FHIT: variants seen among roughly 807,000 people sequenced by gnomAD.
FHIT encodes the protein fragile histidine triad diadenosine triphosphatase.
FHIT carries 19 observed loss-of-function variants against 17.9 expected under a neutral mutation model. That is an observed-to-expected ratio of 1.06 (90% CI 0.74 to 1.56). FHIT has a LOEUF of 1.56. Ranked by LOEUF, FHIT falls within the 40% of genes most tolerant of loss-of-function variation. FHIT has a pLI of 0.00. For synonymous variants in FHIT, 81 were observed against 69.7 expected, an observed-to-expected ratio of 1.16 and a Z score of -0.81; for missense variants, 248 against 189.2, an observed-to-expected ratio of 1.31 and a Z score of -1.82.
At chr3:59,885,294 TGA>T (rs1703572713) in intron 8 of FHIT, among the ~76,000 whole-genome samples, 1 of 151,904 alleles carries the variant, frequency 6.6e-6, no homozygotes, top group Non-Finnish European at 1.5e-5. Context: ...AAAATATTGC[TGA>T]AGAAACAGGA....
chr3:60,932,424 G>A (rs886405067), intron 3 of FHIT, among the ~76,000 whole-genome samples: 9 of 152,020 alleles, frequency 5.9e-5, no homozygotes, highest in Middle Eastern at 3.4e-3. Context: ...CTCATCTCCC[G>A]TGCCCTTTGG....
intron 3 of FHIT, among the ~76,000 whole-genome samples, chr3:60,992,545 A>G (rs2030327790): frequency 1.3e-5 from 2 of 152,192 alleles, no homozygotes; most frequent in South Asian, 4.1e-4. Flanking sequence ...TCTAAGTTAA[A>G]CAGCTCTGCA....
rs139265178 is a variant in FHIT, at chr3:60,585,032, T to C, written c.-17-48053A>G. On this transcript the variant is annotated intron_variant, in intron 4 of 9. Transcript: ENST00000492590. Reference sequence around the variant, plus strand: ...GCATCACTTCAGGCATCAACAAAACTATTTTAATACAATCCTTTCCCTCTA... The same window carrying C: ...GCATCACTTCAGGCATCAACAAAACCATTTTAATACAATCCTTTCCCTCTA... 4.5e-3 allele frequency among the ~76,000 whole-genome samples: 690 copies of C among 152,134 alleles called. 1 individual carries two copies. The highest frequency in any genetic ancestry group is 7.2e-3 in the Non-Finnish European group (486 of 67,958).
At chr3:61,057,413 G>C in intron 2 of FHIT, among the ~76,000 whole-genome samples, 1 of 152,102 alleles carries the variant, frequency 6.6e-6, no homozygotes, top group East Asian at 1.9e-4. Context: ...GTGAAAGCTG[G>C]TGGTGGAAAA....
chr3:60,144,186 G>A (rs1157924578), intron 5 of FHIT, among the ~76,000 whole-genome samples: 1 of 152,174 alleles, frequency 6.6e-6, no homozygotes, highest in East Asian at 1.9e-4. Context: ...GGCAGAAGTT[G>A]TTATGGGGAC....
chr3:60,441,710 A>ACATATATATTTGTATT, intron 5 of FHIT, among the ~76,000 whole-genome samples: 3 of 96,506 alleles, frequency 3.1e-5, no homozygotes, highest in Non-Finnish European at 4.2e-5. Context: ...ATTTATATAT[A>ACATATATATTTGTATT]TATATATATA....
chr3:60,069,472 CA>C (rs1417626187), intron 5 of FHIT, among the ~76,000 whole-genome samples: 4 of 152,142 alleles, frequency 2.6e-5, no homozygotes, highest in Non-Finnish European at 5.9e-5. Flanking sequence ...ACATACATTA[CA>C]TAAAACACTG....
At chr3:60,854,349 G>C (rs369880122) in intron 3 of FHIT, among the ~76,000 whole-genome samples, 1 of 152,024 alleles carries the variant, frequency 6.6e-6, no homozygotes, top group South Asian at 2.1e-4. Flanking sequence ...GCTTTGGAAG[G>C]TGTATCACTT....
rs192961884 is a variant in FHIT, at chr3:60,187,805, C to T, written c.104-173653G>A. Reference sequence around the variant, plus strand: ...TAATTTAATTCATTCATTTGCATCTCTCTCTTCTAAGTATGATATAATTCA... The same window carrying T: ...TAATTTAATTCATTCATTTGCATCTTTCTCTTCTAAGTATGATATAATTCA... On this transcript the variant is annotated intron_variant, in intron 5 of 9. Transcript: ENST00000492590. 2.6e-5 allele frequency among the ~76,000 whole-genome samples: 4 copies of T among 152,176 alleles called. No homozygotes were observed. In the East Asian group the frequency reaches 5.8e-4, roughly 22 times the overall value.
At chr3:61,128,512 G>A (rs1032784220) in intron 2 of FHIT, among the ~76,000 whole-genome samples, 2 of 151,968 alleles carry the variant, frequency 1.3e-5, no homozygotes, top group Admixed American at 6.6e-5. Flanking sequence ...GCTGAAATGC[G>A]CTTCCGTCAG....
chr3:60,795,133 T>C lies in FHIT; in HGVS notation c.-18+26786A>G, dbSNP rs548314062. Among the ~76,000 whole-genome samples the C allele has an allele frequency of 3.1e-4, 47 of 152,360 alleles. No homozygotes were observed. The East Asian group carries it at 8.7e-3, about 28-fold the overall frequency. ...TGCTTTTTTTTCACTTCATGTGTTT[T>C]GTAGATTGTTCCATAACTATACACA... On this transcript the variant is annotated intron_variant, in intron 4 of 9. Transcript: ENST00000492590.
chr3:60,754,602 G>A (rs2042536347), intron 4 of FHIT, among the ~76,000 whole-genome samples: 1 of 152,104 alleles, frequency 6.6e-6, no homozygotes, highest in Non-Finnish European at 1.5e-5. Context: ...CTGCACTCCA[G>A]CCTGGGTGAG....
chr3:60,760,455 G>C (rs1276519888), intron 4 of FHIT, among the ~76,000 whole-genome samples: 1 of 152,200 alleles, frequency 6.6e-6, no homozygotes, highest in Non-Finnish European at 1.5e-5. Flanking sequence ...TAGTCATCCA[G>C]GGCAAGTGGG....
At chr3:60,910,487 C>T (rs1196494428) in intron 3 of FHIT, among the ~76,000 whole-genome samples, 1 of 151,110 alleles carries the variant, frequency 6.6e-6, no homozygotes, top group Non-Finnish European at 1.5e-5. Context: ...TCTTGGCTCA[C>T]TGCAAGCTCC....
At chr3:59,965,128 G>A (rs939430007) in intron 7 of FHIT, among the ~76,000 whole-genome samples, 1 of 152,078 alleles carries the variant, frequency 6.6e-6, no homozygotes, top group African/African-American at 2.4e-5. Context: ...CAGAGAGTTA[G>A]CAAAACAATG....
At chr3:61,093,647 G>A (rs901967891) in intron 2 of FHIT, among the ~76,000 whole-genome samples, 1 of 152,194 alleles carries the variant, frequency 6.6e-6, no homozygotes, top group Non-Finnish European at 1.5e-5. Context: ...ACAGGCATCT[G>A]CCACATGTAA....
chr3:60,853,712 T>C (rs1553749089), intron 3 of FHIT, among the ~76,000 whole-genome samples: 1 of 152,104 alleles, frequency 6.6e-6, no homozygotes, highest in East Asian at 1.9e-4. Flanking sequence ...TCTGCTTCAT[T>C]TCATCTTTTA....
At chr3:60,659,797 T>C (rs553171331) in intron 4 of FHIT, among the ~76,000 whole-genome samples, 1 of 152,312 alleles carries the variant, frequency 6.6e-6, no homozygotes, top group East Asian at 1.9e-4. Context: ...TTCATTTTCT[T>C]TCCTTTGAAT....
intron 3 of FHIT, among the ~76,000 whole-genome samples, chr3:60,852,927 A>G (rs542717648): frequency 6.6e-6 from 1 of 152,284 alleles, no homozygotes; most frequent in Non-Finnish European, 1.5e-5. Context: ...TGGACAGCTT[A>G]TACATATAAA....
Sources: allele counts gnomAD v4.1 joint callset (sites outside exome capture counted in the v4.1 genomes callset), GRCh38; gene constraint gnomAD v4.1.1; transcripts MANE v1.5; gene names NCBI Gene and HGNC (gene_info 2026-07-23, HGNC 2026-07-21).